Variants in RGS6 observed in about 807,000 individuals in gnomAD.
The protein encoded by RGS6 is regulator of G protein signaling 6, also known as regulator of G-protein signaling 6.
In RGS6, 30 loss-of-function variants were observed where a neutral mutation model predicts 78.5. The observed-to-expected ratio is 0.38, with a 90% CI of 0.29 to 0.52. The LOEUF is 0.52. Among genes scored for constraint, RGS6 ranks in the 20% least tolerant of loss-of-function variants. The pLI is 0.85. For missense variants in RGS6, 495 were observed against 609.7 expected, an observed-to-expected ratio of 0.81 and a Z score of 1.98; for synonymous variants, 206 against 206.0, an observed-to-expected ratio of 1.00 and a Z score of 0.00.
intron 2 of RGS6, among the ~76,000 whole-genome samples, chr14:72,222,141 A>G (rs1490327755): frequency 6.6e-6 from 1 of 152,238 alleles, no homozygotes; most frequent in Non-Finnish European, 1.5e-5. Context: ...ACATTTACAT[A>G]GACGATTTTA....
At chr14:72,402,790 G>GTTTTTTTTTTTTT (rs1167831473) in intron 3 of RGS6, among the ~76,000 whole-genome samples, 3 of 75,802 alleles carry the variant, frequency 4.0e-5, no homozygotes, top group African/African-American at 5.5e-5. Context: ...TGTTTTTTTG[G>GTTTTTTTTTTTTT]TTTTTTTTTT....
At chr14:71,874,815 C>G in the RGS6 span, among the ~76,000 whole-genome samples, 2 of 152,110 alleles carry the variant, frequency 1.3e-5, no homozygotes, top group African/African-American at 4.8e-5. Context: ...GAGATACATC[C>G]CATCAATACC....
intron 3 of RGS6, among the ~76,000 whole-genome samples, chr14:72,424,468 C>T (rs959455974): frequency 1.3e-5 from 2 of 151,978 alleles, no homozygotes; most frequent in South Asian, 2.1e-4. Flanking sequence ...TCTGAGATGC[C>T]GTTCTGTTGC....
chr14:72,433,072 C>G (rs553876390), intron 3 of RGS6, among the ~76,000 whole-genome samples: 1 of 152,282 alleles, frequency 6.6e-6, no homozygotes, highest in Non-Finnish European at 1.5e-5. Flanking sequence ...AATGACCACA[C>G]GCAACTTGAC....
the RGS6 span, among the ~76,000 whole-genome samples, chr14:72,580,835 G>A: frequency 6.6e-6 from 1 of 152,198 alleles, no homozygotes; most frequent in African/African-American, 2.4e-5. Flanking sequence ...GGCCTCAGGA[G>A]TGAGCAGGGT....
Position 71,936,097 on chromosome 14 carries a change from T to C in RGS6, c.-21+3156T>C, listed in dbSNP as rs1242024789. 2.7e-5 allele frequency among the ~76,000 whole-genome samples: 4 copies of C among 147,400 alleles called. No homozygotes were observed. The South Asian group carries it at 8.5e-4, about 31-fold the overall frequency. On this transcript the variant is annotated intron_variant, in intron 1 of 17. Coordinates refer to ENST00000553525, the MANE Select transcript of RGS6 (RefSeq NM_001204424.2). ...ATATATATGCTATACATGATATATA[T>C]ACATATGATATATGTACATATACCA...
intron 2 of RGS6, among the ~76,000 whole-genome samples, chr14:72,158,313 C>T (rs939626344): frequency 5.3e-5 from 8 of 152,202 alleles, no homozygotes; most frequent in African/African-American, 1.7e-4. Flanking sequence ...TTCTTCTTCT[C>T]GTGAGGACAC....
At chr14:72,115,654 C>T (rs1336672573) in intron 2 of RGS6, among the ~76,000 whole-genome samples, 1 of 152,138 alleles carries the variant, frequency 6.6e-6, no homozygotes, top group Admixed American at 6.6e-5. Context: ...CAGCCCCTGG[C>T]CCCCCATCAA....
chr14:72,202,141 T>TA (rs1324433575), intron 2 of RGS6, among the ~76,000 whole-genome samples: 1 of 152,226 alleles, frequency 6.6e-6, no homozygotes, highest in Non-Finnish European at 1.5e-5. Flanking sequence ...GACCCTCACG[T>TA]ACTTAAAATA....
chr14:72,321,955 T>C (rs2072197543), intron 2 of RGS6, among the ~76,000 whole-genome samples: 1 of 152,026 alleles, frequency 6.6e-6, no homozygotes, highest in African/African-American at 2.4e-5. Context: ...ATCACACTGA[T>C]ATTGTCCTCT....
chr14:71,880,105 T>C, the RGS6 span, among the ~76,000 whole-genome samples: 5 of 152,212 alleles, frequency 3.3e-5, no homozygotes, highest in Non-Finnish European at 7.3e-5. Flanking sequence ...ACTGGTGGCA[T>C]TTTGCCCCTC....
At chr14:72,106,158 A>T (rs567594610) in intron 2 of RGS6, among the ~76,000 whole-genome samples, 30 of 152,360 alleles carry the variant, frequency 2.0e-4, no homozygotes, top group South Asian at 1.7e-3. Flanking sequence ...TGATATTGAT[A>T]AGAACTTTTT....
intron 2 of RGS6, among the ~76,000 whole-genome samples, chr14:72,342,770 A>G (rs2077284889): frequency 6.6e-6 from 1 of 151,264 alleles, no homozygotes; most frequent in Non-Finnish European, 1.5e-5. Context: ...AATAACCTCT[A>G]AGCCACCCAT....
At chr14:72,184,388 A>ACACACACACACACT (rs2097211820) in intron 2 of RGS6, among the ~76,000 whole-genome samples, 2 of 151,664 alleles carry the variant, frequency 1.3e-5, no homozygotes, top group African/African-American at 4.8e-5. Context: ...ACACACACAC[A>ACACACACACACACT]CACACACACA....
the RGS6 span, among the ~76,000 whole-genome samples, chr14:72,604,567 C>T: frequency 1.3e-5 from 2 of 152,132 alleles, no homozygotes; most frequent in Non-Finnish European, 2.9e-5. Context: ...AGTCTGTAGC[C>T]ACATGAGACG....
At chr14:72,025,080 G>A (rs1334121502) in intron 2 of RGS6, among the ~76,000 whole-genome samples, 4 of 152,190 alleles carry the variant, frequency 2.6e-5, no homozygotes, top group Admixed American at 1.3e-4. Context: ...CTATGTTTCT[G>A]TATATAAAGA....
At chr14:71,896,077 AG>A in the RGS6 span, among the ~76,000 whole-genome samples, 1 of 151,922 alleles carries the variant, frequency 6.6e-6, no homozygotes, top group African/African-American at 2.4e-5. Flanking sequence ...GTGGAGATGG[AG>A]GGGCAAATAG....
At chr14:72,009,708 G>C (rs563303363) in intron 2 of RGS6, among the ~76,000 whole-genome samples, 1 of 152,308 alleles carries the variant, frequency 6.6e-6, no homozygotes, top group East Asian at 1.9e-4. Flanking sequence ...GAAACCATAG[G>C]ATAATAAATA....
At chr14:72,220,013 A>T (rs1378561502) in intron 2 of RGS6, among the ~76,000 whole-genome samples, 2 of 152,172 alleles carry the variant, frequency 1.3e-5, no homozygotes, top group African/African-American at 4.8e-5. Context: ...AAGCTCCCTG[A>T]TCTGATACAC....
Sources: allele counts gnomAD v4.1 joint callset (sites outside exome capture counted in the v4.1 genomes callset), GRCh38; gene constraint gnomAD v4.1.1; transcripts MANE v1.5; gene names NCBI Gene and HGNC (gene_info 2026-07-23, HGNC 2026-07-21).